The following BICRAL variants were observed in gnomAD, a reference collection of about 807,000 sequenced individuals.
BICRAL encodes the protein BRD4-interacting chromatin-remodeling complex-associated protein-like.
A neutral mutation model predicts 91.8 loss-of-function variants in BICRAL; 8 were observed. The observed-to-expected ratio is 0.09, with a 90% CI of 0.05 to 0.16. The LOEUF (loss-of-function observed/expected upper bound fraction) is 0.16, where lower values mean the gene tolerates loss of function less well. Among genes scored for constraint, BICRAL ranks in the 10% least tolerant of loss-of-function variants. The pLI, the probability that BICRAL is intolerant of heterozygous loss-of-function variation, is 1.00. For synonymous variants in BICRAL, 445 were observed against 491.1 expected (o/e 0.91, Z 1.24); for missense variants, 1,038 against 1,310.9 (o/e 0.79, Z 3.21).
intron 8 of BICRAL, 143 bp from the exon 9 acceptor site, chr6:42,855,713 T>TA: frequency 1.6e-6 from 1 of 626,990 alleles, no homozygotes; most frequent in South Asian, 2.1e-5. Flanking sequence ...TTTTTTTTTT[T>TA]ATTTTTCAGC....
intron 6 of BICRAL, among the ~76,000 whole-genome samples, chr6:42,832,144 T>G (rs1400900798): frequency 6.8e-6 from 1 of 147,888 alleles, no homozygotes; most frequent in Non-Finnish European, 1.5e-5. Context: ...GGCCAGGAGT[T>G]CAAGACCAGC....
At chr6:42,816,792 A>G (rs989845576) in intron 2 of BICRAL, among the ~76,000 whole-genome samples, 3 of 152,066 alleles carry the variant, frequency 2.0e-5, no homozygotes, top group African/African-American at 7.2e-5. Context: ...AGGCGGGCGG[A>G]TCACGAGGTC....
chr6:42,790,760 CA>C (rs1213981740), intron 1 of BICRAL, among the ~76,000 whole-genome samples: 1 of 151,958 alleles, frequency 6.6e-6, no homozygotes, highest in Non-Finnish European at 1.5e-5. Flanking sequence ...GGTGAAACGG[CA>C]TGATTTAAGT....
chr6:42,830,558 CAAAA>C (rs201936477), intron 6 of BICRAL, among the ~76,000 whole-genome samples: 8 of 147,310 alleles, frequency 5.4e-5, no homozygotes, highest in Admixed American at 2.7e-4. Context: ...GACCCTGTCT[CAAAA>C]AAAAAAAATT....
chr6:42,852,825 C>T (rs1280490522), intron 7 of BICRAL, among the ~76,000 whole-genome samples: 3 of 151,690 alleles, frequency 2.0e-5, no homozygotes, highest in Admixed American at 6.6e-5. Flanking sequence ...AGGCCGGGCA[C>T]GGTGGCTCAC....
At chr6:42,748,286 A>G (rs1762320696) in intron 1 of BICRAL, among the ~76,000 whole-genome samples, 1 of 152,148 alleles carries the variant, frequency 6.6e-6, no homozygotes. Context: ...TTTTTCTAGA[A>G]AAAAACAACC....
intron 1 of BICRAL, among the ~76,000 whole-genome samples, chr6:42,801,535 A>G (rs1763571796): frequency 6.6e-6 from 1 of 152,146 alleles, no homozygotes; most frequent in Admixed American, 6.6e-5. Context: ...CATAGTCTGT[A>G]AAAGTGGAAA....
At chr6:42,795,349 T>A (rs1763390493) in intron 1 of BICRAL, among the ~76,000 whole-genome samples, 1 of 152,130 alleles carries the variant, frequency 6.6e-6, no homozygotes, top group Admixed American at 6.5e-5. Flanking sequence ...AAGAATTGCT[T>A]GAACCTGGGA....
At chr6:42,776,012 T>G (rs557881593) in intron 1 of BICRAL, among the ~76,000 whole-genome samples, 14 of 152,076 alleles carry the variant, frequency 9.2e-5, no homozygotes, top group Admixed American at 8.5e-4. Flanking sequence ...GAAGCAAAGG[T>G]TTTTTATTTT....
chr6:42,845,195 G>GGTTTTTTTTTTTTTTTTTT (rs1562490931), intron 6 of BICRAL, among the ~76,000 whole-genome samples: 3 of 25,612 alleles, frequency 1.2e-4, no homozygotes, highest in Admixed American at 6.7e-4. Flanking sequence ...TTTTTTGGGT[G>GGTTTTTTTTTTTTTTTTTT]TTTTTTTTTT....
intron 1 of BICRAL, among the ~76,000 whole-genome samples, chr6:42,802,589 C>G (rs1031812389): frequency 6.6e-5 from 10 of 152,198 alleles, no homozygotes; most frequent in African/African-American, 2.4e-4. Context: ...GCTGGGATTA[C>G]AGGCACACAC....
intron 1 of BICRAL, among the ~76,000 whole-genome samples, chr6:42,794,324 A>T (rs1159252202): frequency 2.0e-5 from 3 of 151,930 alleles, no homozygotes; most frequent in East Asian, 1.9e-4. Context: ...CATGTTGTTT[A>T]AAAAAAAGGC....
At chr6:42,845,413 C>G (rs939382797) in intron 6 of BICRAL, among the ~76,000 whole-genome samples, 6 of 151,304 alleles carry the variant, frequency 4.0e-5, no homozygotes, top group Non-Finnish European at 5.9e-5. Context: ...TACCACAGTG[C>G]TGTGTACACA....
At chr6:42,852,314 T>C (rs1354948969) in intron 7 of BICRAL, 117 bp downstream of exon 7, 2 of 725,460 alleles carry the variant, frequency 2.8e-6, no homozygotes, top group Admixed American at 4.0e-5. Context: ...ACTCCGATTA[T>C]TCCTTTCTTT....
chr6:42,753,202 C>T (rs574220745), intron 1 of BICRAL, among the ~76,000 whole-genome samples: 52 of 152,210 alleles, frequency 3.4e-4, no homozygotes, highest in Admixed American at 1.5e-3. Flanking sequence ...GCTAGGATTA[C>T]AGGCATGAGC....
intron 1 of BICRAL, among the ~76,000 whole-genome samples, chr6:42,787,771 AAG>A (rs1451384807): frequency 2.0e-5 from 3 of 152,180 alleles, no homozygotes; most frequent in Non-Finnish European, 4.4e-5. Context: ...GGATGCTTCG[AAG>A]AGAGAATAGG....
chr6:42,794,258 A>G (rs985985348), intron 1 of BICRAL, among the ~76,000 whole-genome samples: 2 of 152,156 alleles, frequency 1.3e-5, no homozygotes, highest in African/African-American at 2.4e-5. Flanking sequence ...AGATAAAGCA[A>G]TCTGACAGTT....
intron 1 of BICRAL, among the ~76,000 whole-genome samples, chr6:42,787,900 T>A (rs868541502): frequency 5.0e-4 from 75 of 149,126 alleles, no homozygotes; most frequent in African/African-American, 9.1e-4. Flanking sequence ...TTTTTTTTTT[T>A]AATTTTTTTT....
At chr6:42,843,500 A>G (rs2113990136) in intron 6 of BICRAL, among the ~76,000 whole-genome samples, 1 of 152,312 alleles carries the variant, frequency 6.6e-6, no homozygotes, top group Non-Finnish European at 1.5e-5. Context: ...CTAGCAGTAT[A>G]GGAAAGATGA....
Sources: gnomAD v4.1 joint callset for allele counts (sites outside exome capture counted in the v4.1 genomes callset) on GRCh38, gnomAD v4.1.1 for gene constraint, MANE v1.5 for transcripts, NCBI Gene and HGNC (gene_info 2026-07-23, HGNC 2026-07-21) for gene names.